The following KLF4 variants were observed in gnomAD, a reference collection of about 807,000 sequenced individuals.
The protein encoded by KLF4 is Krueppel-like factor 4.
KLF4 carries 14 observed loss-of-function variants against 38.0 expected under a neutral mutation model. The ratio of observed to expected loss-of-function variants is 0.37; its 90% CI spans 0.24 to 0.58. The LOEUF is 0.58. Ranked by LOEUF, KLF4 falls within the 20% of genes least tolerant of loss-of-function variation. The probability of loss-of-function intolerance (pLI) is 0.76; values close to 1 mark genes in which losing one functional copy is unlikely to be tolerated. For missense variants in KLF4, 737 were observed against 670.1 expected (o/e 1.10, Z -1.10); for synonymous variants, 398 against 302.5 (o/e 1.32, Z -3.28).
rs562443124 is a variant in KLF4, at chr9:107,489,742, G to C, written c.-570C>G. 1 of 206,526 alleles carries C rather than the reference G, an allele frequency of 4.8e-6. No homozygotes were observed. The highest frequency in any genetic ancestry group is 9.9e-6 in the Non-Finnish European group (1 of 101,006). The allele number at this position is 206,526 out of a possible 1,614,324, so 12.8% of individuals were successfully genotyped here. On this transcript the variant is annotated 5_prime_UTR_variant, in exon 1 of 5. Coordinates refer to ENST00000374672, the MANE Select transcript of KLF4 (RefSeq NM_004235.6). ...CTGCTCCCCGCGCGCCCGCAGACAC[G>C]TTCGTTCTCTCTGGTCGGGAAACTG...
Position 107,487,648 on chromosome 9 carries a change from CTGA to C in KLF4, c.743_745del (p.Ile248del). 1.3e-6 allele frequency: 2 copies of C among 1,590,774 alleles called. No homozygotes were observed. The highest frequency in any genetic ancestry group is 1.7e-6 in the Non-Finnish European group (2 of 1,167,110). On this transcript the variant is annotated inframe_deletion, in exon 3 of 5. Coordinates refer to ENST00000374672, the MANE Select transcript of KLF4 (RefSeq NM_004235.6). This position sits in a 1 kb window ranked among gnomAD's most constrained non-coding sequence, Gnocchi z 6.1. ...GCCGTCAGGGCTGCCTTTGCTGACGCTGATGACCGACGGGCTGCCGTACTCGCT... is the reference window on the plus strand; with the variant it reads ...GCCGTCAGGGCTGCCTTTGCTGACGCTGACCGACGGGCTGCCGTACTCGCT...
intron 4 of KLF4, among the ~76,000 whole-genome samples, 161 bp downstream of exon 4, chr9:107,486,867 T>C (rs536640496): frequency 3.9e-4 from 60 of 152,082 alleles, no homozygotes; most frequent in Admixed American, 2.7e-3. Flanking sequence ...ATCAAGGCGA[T>C]AGACTGCCCT....
rs756574707 is a variant in KLF4, at chr9:107,488,941, C to A, written c.115G>T (p.Ala39Ser). Reference sequence around the variant, plus strand: ...GGAGCGATACTCACGTTATTCGGGGCACCTGCTTGACGCAGTGTCTTCTCC... The same window carrying A: ...GGAGCGATACTCACGTTATTCGGGGAACCTGCTTGACGCAGTGTCTTCTCC... ...GREKTLRQAG[A>S]PNNRWREELS... Residue 39 changes from alanine to serine, a missense_variant, in exon 2 of 5, where the codon GCC becomes TCC. Coordinates refer to ENST00000374672, the MANE Select transcript of KLF4 (RefSeq NM_004235.6). This position sits in a 1 kb window ranked among gnomAD's most constrained non-coding sequence, Gnocchi z 5.7. 11 of 1,556,860 alleles carry A rather than the reference C, an allele frequency of 7.1e-6. No homozygotes were observed. Among genetic ancestry groups the A allele is most frequent in the Non-Finnish European group, 8.7e-6 (10 of 1,149,932 alleles).
chr9:107,484,961 A>T lies in KLF4; in HGVS notation c.*790T>A. On this transcript the variant is annotated 3_prime_UTR_variant, in exon 5 of 5. Transcript: ENST00000374672. The stretch of plus-strand genomic sequence containing the variant: ...ACTTTGTAGTTTACAAATATACAAA[A>T]TAGACGTTTGCTTAAATTTATATTA... 5.0e-6 allele frequency: 1 copy of T among 199,306 alleles called. No homozygotes were observed. The highest frequency in any genetic ancestry group is 2.3e-5 in the African/African-American group (1 of 43,584). The allele number at this position is 199,306 out of a possible 1,614,324, so 12.3% of individuals were successfully genotyped here.
In KLF4 at chr9:107,488,417, T is replaced by G; in HGVS notation, c.127-150A>C. The G allele has an allele frequency of 7.3e-7, 1 of 1,369,308 alleles. No homozygotes were observed. Among genetic ancestry groups the G allele is most frequent in the Non-Finnish European group, 9.6e-7 (1 of 1,040,446 alleles). 84.8% of individuals were successfully genotyped at this position (1,369,308 alleles called of 1,614,324 possible). On this transcript the variant is annotated intron_variant, in intron 2 of 4. Transcript: ENST00000374672. The surrounding 1 kb of genome is among the most constrained non-coding windows in gnomAD (Gnocchi z 5.7). Reference sequence around the variant, plus strand: ...ACCCGGGAACCCAGGGCGCCAGCGCTGCAATCTCGGCCCACTCCCGGGTCG... The same window carrying G: ...ACCCGGGAACCCAGGGCGCCAGCGCGGCAATCTCGGCCCACTCCCGGGTCG...
In KLF4 at chr9:107,487,522, C is replaced by G; in HGVS notation, c.872G>C (p.Gly291Ala). Residue 291 changes from glycine to alanine, a missense_variant, in exon 3 of 5, where the codon GGA (glycine) becomes GCA (alanine). By Grantham distance (60) the Gly-to-Ala change is moderately conservative. Around this residue, in one of 2 missense-constraint regions of KLF4, gnomAD observed 695 missense variants for 554.5 expected, o/e 1.25. Transcript: ENST00000374672. The surrounding 1 kb of genome is among the most constrained non-coding windows in gnomAD (Gnocchi z 6.1). ...CCGGTGGCCATTGCTGAGAGGGGGTCCAGCGCCCAAGTGGGTGCACGAAGA... is the reference window on the plus strand; with the variant it reads ...CCGGTGGCCATTGCTGAGAGGGGGTGCAGCGCCCAAGTGGGTGCACGAAGA... ...AVSSCTHLGA[G>A]PPLSNGHRPA... is the part of the protein sequence containing the mutation. 6.5e-7 allele frequency: 1 copy of G among 1,549,676 alleles called. No homozygotes were observed. The highest frequency in any genetic ancestry group is 2.3e-5 in the East Asian group (1 of 44,176).
In KLF4 at chr9:107,488,607, G is replaced by A. The variant is rs1829133246; in HGVS notation, c.126+323C>T. ...GCTCTCGCCACGGGGCCGCCTACGC[G>A]CTAAACTCACTCTGGCCCAGCCAGT... On this transcript the variant is annotated intron_variant, in intron 2 of 4. Coordinates refer to ENST00000374672, the MANE Select transcript of KLF4 (RefSeq NM_004235.6). The surrounding 1 kb of genome is among the most constrained non-coding windows in gnomAD (Gnocchi z 5.7). 6.6e-6 allele frequency among the ~76,000 whole-genome samples: 1 copy of A among 152,132 alleles called. No individual in the cohort carries two copies. Among genetic ancestry groups the A allele is most frequent in the African/African-American group, 2.4e-5 (1 of 41,454 alleles).
At chr9:107,486,238 A>G (rs1226737575) in intron 4 of KLF4, among the ~76,000 whole-genome samples, 1 of 152,176 alleles carries the variant, frequency 6.6e-6, no homozygotes, top group Non-Finnish European at 1.5e-5. Context: ...GAGTCAAGGC[A>G]TCTCAGTGGT....
chr9:107,488,810 C>T lies in KLF4; in HGVS notation c.126+120G>A. On this transcript the variant is annotated intron_variant, in intron 2 of 4. Coordinates refer to ENST00000374672, the MANE Select transcript of KLF4 (RefSeq NM_004235.6). This position sits in a 1 kb window ranked among gnomAD's most constrained non-coding sequence, Gnocchi z 5.7. ...GCTATCCCGGGAAGGTTGCGGAGTC[C>T]GCGCGGTGGCCGCTCCTTACCCTCG... 4.4e-6 allele frequency: 6 copies of T among 1,366,690 alleles called. No individual in the cohort carries two copies. The highest frequency in any genetic ancestry group is 3.9e-6 in the Non-Finnish European group (4 of 1,015,562). 84.7% of individuals were successfully genotyped at this position (1,366,690 alleles called of 1,614,324 possible). A position where few individuals can be genotyped will look rare whatever the true frequency, so the allele number is the denominator to read the frequency against.
Position 107,488,517 on chromosome 9 carries a change from T to C in KLF4, c.127-250A>G. 3.3e-6 allele frequency: 2 copies of C among 603,820 alleles called. No homozygotes were observed. The highest frequency in any genetic ancestry group is 5.4e-6 in the Non-Finnish European group (2 of 369,038). 37.4% of individuals were successfully genotyped at this position (603,820 alleles called of 1,614,324 possible). ...ATTGCGTGTGAGCGAGCGCCGCGGC[T>C]GGTCCCTCCCCCTCCAGGTCCCGTG... On this transcript the variant is annotated intron_variant, in intron 2 of 4. Coordinates refer to ENST00000374672, the MANE Select transcript of KLF4 (RefSeq NM_004235.6). The surrounding 1 kb of genome is among the most constrained non-coding windows in gnomAD (Gnocchi z 5.7).
chr9:107,489,183 G>A lies in KLF4; in HGVS notation c.-11C>T, dbSNP rs761695805. ...CCTCACCTACCTCATTAATGTGGGG[G>A]CCCAGAAGGTCCTCGGCAGCCCGAA... is the stretch of plus-strand genomic sequence containing the variant. On this transcript the variant is annotated 5_prime_UTR_variant, in exon 1 of 5. Coordinates refer to ENST00000374672, the MANE Select transcript of KLF4 (RefSeq NM_004235.6). The A allele has an allele frequency of 2.7e-6, 4 of 1,505,528 alleles. No homozygotes were observed. The highest frequency in any genetic ancestry group is 2.7e-6 in the Non-Finnish European group (3 of 1,123,156). The allele number at this position is 1,505,528 out of a possible 1,614,324, so 93.3% of individuals were successfully genotyped here. A position where few individuals can be genotyped will look rare whatever the true frequency, so the allele number is the denominator to read the frequency against.
rs1172588857 is a variant in KLF4 at position 107,489,212 on chromosome 9, G to C, written c.-40C>G. 2 of 1,460,036 alleles carry C rather than the reference G, an allele frequency of 1.4e-6. No individual in the cohort carries two copies. Among genetic ancestry groups the C allele is most frequent in the Non-Finnish European group, 1.8e-6 (2 of 1,103,810 alleles). 90.4% of individuals were successfully genotyped at this position (1,460,036 alleles called of 1,614,324 possible). ...AGAAGGTCCTCGGCAGCCCGAAGCA[G>C]CTGGGGCACCTGAACCCCAAAGTCA... On this transcript the variant is annotated 5_prime_UTR_variant, in exon 1 of 5. Coordinates refer to ENST00000374672, the MANE Select transcript of KLF4 (RefSeq NM_004235.6).
In KLF4 at chr9:107,489,549, G is replaced by A. The variant is rs980677339; in HGVS notation, c.-377C>T. On this transcript the variant is annotated 5_prime_UTR_variant, in exon 1 of 5. Transcript: ENST00000374672. ...CCGCCAGGTGAGACTGGCTGCCGTG[G>A]CGCGGAGCTGCGAACTGGTCGGCGG... is the stretch of plus-strand genomic sequence containing the variant. 1.6e-5 allele frequency: 4 copies of A among 245,526 alleles called. No homozygotes were observed. Among genetic ancestry groups the A allele is most frequent in the African/African-American group, 6.6e-5 (3 of 45,236 alleles). 15.2% of individuals were successfully genotyped at this position (245,526 alleles called of 1,614,324 possible). A position where few individuals can be genotyped will look rare whatever the true frequency, so the allele number is the denominator to read the frequency against.
chr9:107,486,085 C>T (rs1829058279), intron 4 of KLF4, among the ~76,000 whole-genome samples, 159 bp from the exon 5 acceptor site: 1 of 152,154 alleles, frequency 6.6e-6, no homozygotes. Flanking sequence ...AATTCCATAT[C>T]ATAAACAGAA....
At position 107,487,741 on chromosome 9, in the gene KLF4, G is replaced by T. The variant is rs779073392; in HGVS notation, c.653C>A (p.Pro218Gln). 2 of 1,579,840 alleles carry T rather than the reference G, an allele frequency of 1.3e-6. No homozygotes were observed. Among genetic ancestry groups the T allele is most frequent in the Non-Finnish European group, 1.7e-6 (2 of 1,163,574 alleles). The change falls in exon 3 of 5, where the codon CCG (proline) becomes CAG (glutamine). Residue 218 changes from proline (P) to glutamine (Q), a missense_variant. Coordinates refer to ENST00000374672, the MANE Select transcript of KLF4 (RefSeq NM_004235.6). This position sits in a 1 kb window ranked among gnomAD's most constrained non-coding sequence, Gnocchi z 6.1. Reference protein sequence around the residue: ...LDPVYIPPQQPQPPGGGLMGK... With the variant: ...LDPVYIPPQQQQPPGGGLMGK... The stretch of plus-strand genomic sequence containing the variant: ...CATCAGCCCGCCACCTGGCGGCTGC[G>T]GCTGCTGCGGCGGAATGTACACCGG...
In KLF4 at chr9:107,489,323, CTTT is replaced by C; in HGVS notation, c.-154_-152del. 1.8e-6 allele frequency: 2 copies of C among 1,113,188 alleles called. No homozygotes were observed. The highest frequency in any genetic ancestry group is 2.0e-5 in the South Asian group (1 of 49,354). The allele number at this position is 1,113,188 out of a possible 1,614,324, so 69.0% of individuals were successfully genotyped here. ...TGGATTAAATATAACTTGGAAGCGT[CTTT>C]TTTAAAAAGTTCCTTTGTATACAAA... is the stretch of plus-strand genomic sequence containing the variant. On this transcript the variant is annotated 5_prime_UTR_variant, in exon 1 of 5. Coordinates refer to ENST00000374672, the MANE Select transcript of KLF4 (RefSeq NM_004235.6).
rs201493293 is a variant in KLF4 at position 107,487,002 on chromosome 9, C to A, written c.1264+26G>T. 4 of 1,614,166 alleles carry A rather than the reference C, an allele frequency of 2.5e-6. No individual in the cohort carries two copies. Among genetic ancestry groups the A allele is most frequent in the Non-Finnish European group, 3.4e-6 (4 of 1,180,022 alleles). On this transcript the variant is annotated intron_variant, in intron 4 of 4. Transcript: ENST00000374672. This position sits in a 1 kb window ranked among gnomAD's most constrained non-coding sequence, Gnocchi z 6.1. ...CCTATGGGGCTGGAAGCTAACCCCCCTCCCTTCTGCAGTTTGTCCCCCTAC... is the reference window on the plus strand; with the variant it reads ...CCTATGGGGCTGGAAGCTAACCCCCATCCCTTCTGCAGTTTGTCCCCCTAC...
rs1440131067 is a variant in KLF4 at position 107,488,571 on chromosome 9, TCTCTCGGTGCG to T, written c.127-315_127-305del. The stretch of plus-strand genomic sequence containing the variant: ...GTCCCCGGAATTGGCACACCGAGGC[TCTCTCGGTGCG>T]CTCTCGCCACGGGGCCGCCTACGCG... On this transcript the variant is annotated intron_variant, in intron 2 of 4. Transcript: ENST00000374672. The surrounding 1 kb of genome is among the most constrained non-coding windows in gnomAD (Gnocchi z 5.7). 10 of 486,536 alleles carry T rather than the reference TCTCTCGGTGCG, an allele frequency of 2.1e-5. No individual in the cohort carries two copies. Among genetic ancestry groups the T allele is most frequent in the Non-Finnish European group, 1.1e-5 (3 of 276,672 alleles). The allele number at this position is 486,536 out of a possible 1,614,324, so 30.1% of individuals were successfully genotyped here.
At position 107,488,351 on chromosome 9, in the gene KLF4, G is replaced by A. The variant is rs991742115; in HGVS notation, c.127-84C>T. Reference sequence around the variant, plus strand: ...ACTGACGTGCTGGCGGGCCACGCGCGACTGCACCGCCCAGACATGGGGACT... The same window carrying A: ...ACTGACGTGCTGGCGGGCCACGCGCAACTGCACCGCCCAGACATGGGGACT... On this transcript the variant is annotated intron_variant, in intron 2 of 4. Transcript: ENST00000374672. The surrounding 1 kb of genome is among the most constrained non-coding windows in gnomAD (Gnocchi z 5.7). 1 of 1,459,694 alleles carries A rather than the reference G, an allele frequency of 6.9e-7. No individual in the cohort carries two copies. Among genetic ancestry groups the A allele is most frequent in the Non-Finnish European group, 9.0e-7 (1 of 1,110,216 alleles). The allele number at this position is 1,459,694 out of a possible 1,614,324, so 90.4% of individuals were successfully genotyped here.
Sources: allele counts gnomAD v4.1 joint callset (sites outside exome capture counted in the v4.1 genomes callset), GRCh38; gene constraint gnomAD v4.1.1; regional missense constraint gnomAD v4.1.1; non-coding constraint Gnocchi (gnomAD v3.1); transcripts MANE v1.5; gene names NCBI Gene and HGNC (gene_info 2026-07-23, HGNC 2026-07-21).